NAV1: variants seen among roughly 807,000 people sequenced by gnomAD.
NAV1 encodes the protein neuron navigator 1.
NAV1 carries 18 observed loss-of-function variants against 175.2 expected under a neutral mutation model. The observed-to-expected ratio is 0.10, with a 90% CI of 0.07 to 0.15. NAV1 has a LOEUF of 0.15. Ranked by LOEUF, NAV1 falls within the 10% of genes least tolerant of loss-of-function variation. The pLI is 1.00. For missense variants in NAV1, 1,731 were observed against 2,436.6 expected (o/e 0.71, Z 6.10); for synonymous variants, 897 against 978.7 (o/e 0.92, Z 1.56).
At chr1:201,781,671 A>G (rs1417806741) in intron 5 of NAV1, among the ~76,000 whole-genome samples, 1 of 152,202 alleles carries the variant, frequency 6.6e-6, no homozygotes, top group African/African-American at 2.4e-5. Flanking sequence ...ACTTATTTTC[A>G]TAGGATACAG....
chr1:201,785,455 C>T, intron 8 of NAV1, 104 bp downstream of exon 12: 1 of 1,200,826 alleles, frequency 8.3e-7, no homozygotes, highest in Non-Finnish European at 1.2e-6. Flanking sequence ...ATTTAGTCAC[C>T]CTTTTAGCTG....
At chr1:201,547,935 G>A (rs866481810) in intron 1 of NAV1, among the ~76,000 whole-genome samples, 26 of 151,908 alleles carry the variant, frequency 1.7e-4, no homozygotes, top group African/African-American at 5.6e-4. Flanking sequence ...CTGGGATTAC[G>A]GGCACCTGCC....
At chr1:201,644,268 G>T (rs1440377148), upstream of NAV1, among the ~76,000 whole-genome samples, 1 of 152,138 alleles carries the variant, frequency 6.6e-6, no homozygotes, top group Non-Finnish European at 1.5e-5. Flanking sequence ...GAGTGGGAGG[G>T]GCTCAGGGCT....
intron 15 of NAV1, among the ~76,000 whole-genome samples, chr1:201,799,614 C>T (rs1242119274): frequency 1.3e-5 from 2 of 152,216 alleles, no homozygotes; most frequent in Non-Finnish European, 2.9e-5. Flanking sequence ...AATCCCAGCA[C>T]TTTGGGAGGC....
rs531384296 is a variant in NAV1 at position 201,610,091 on chromosome 1, C to T, written c.-32-12762C>T. On this transcript the variant is annotated intron_variant, in intron 2 of 33. Coordinates refer to the NAV1 transcript ENST00000685211. ...GGGAGGGCACCTTCTCTGCTCTACT[C>T]AGGGTGAAGGAAGCTGTGTGCCGGC... is the stretch of plus-strand genomic sequence containing the variant. 1.1e-4 allele frequency among the ~76,000 whole-genome samples: 17 copies of T among 152,306 alleles called. No individual in the cohort carries two copies. The East Asian group carries it at 3.3e-3, about 29-fold the overall frequency.
At chr1:201,656,857 C>T (rs1002563782) in intron 1 of NAV1, among the ~76,000 whole-genome samples, 4 of 152,206 alleles carry the variant, frequency 2.6e-5, no homozygotes, top group Non-Finnish European at 5.9e-5. Flanking sequence ...GGGGTTTGGA[C>T]TCCTTGGCTT....
Position 201,808,952 on chromosome 1 carries a change from G to T in NAV1, c.4207+81G>T. 1 of 1,522,292 alleles carries T rather than the reference G, an allele frequency of 6.6e-7. No individual in the cohort carries two copies. The highest frequency in any genetic ancestry group is 1.3e-5 in the South Asian group (1 of 79,414). 94.3% of individuals were successfully genotyped at this position (1,522,292 alleles called of 1,614,324 possible). On this transcript the variant is annotated intron_variant, in intron 20 of 29. Coordinates refer to ENST00000367296, the Ensembl canonical transcript of NAV1. The surrounding 1 kb of genome is among the most constrained non-coding windows in gnomAD (Gnocchi z 5.5). ...ACTGTTACACCATTCCACTTGCTTTGGTCAGGGCGGTAACAATGCCGAAGC... is the reference window on the plus strand; with the variant it reads ...ACTGTTACACCATTCCACTTGCTTTTGTCAGGGCGGTAACAATGCCGAAGC...
chr1:201,573,622 GC>G (rs1455046335), intron 1 of NAV1, among the ~76,000 whole-genome samples: 1 of 152,174 alleles, frequency 6.6e-6, no homozygotes, highest in African/African-American at 2.4e-5. Context: ...CTCCAGGCCT[GC>G]CTGCTGTACC....
chr1:201,690,813 G>A (rs535895069), intron 1 of NAV1, among the ~76,000 whole-genome samples: 1 of 152,300 alleles, frequency 6.6e-6, no homozygotes, highest in African/African-American at 2.4e-5. Context: ...AGAGTGCTGG[G>A]CTCCAGGTCA....
Position 201,809,336 on chromosome 1 carries a change from G to A in NAV1, c.4305+75G>A. On this transcript the variant is annotated intron_variant, in intron 21 of 29. Coordinates refer to ENST00000367296, the Ensembl canonical transcript of NAV1. Reference sequence around the variant, plus strand: ...ATTTATCCAAGAAAATCTGGACCCTGGGTACCTCCAAAACCAAAGAACTCA... The same window carrying A: ...ATTTATCCAAGAAAATCTGGACCCTAGGTACCTCCAAAACCAAAGAACTCA... 5.7e-6 allele frequency: 9 copies of A among 1,591,528 alleles called. No individual in the cohort carries two copies. In the South Asian group the frequency reaches 9.9e-5, roughly 18 times the overall value.
chr1:201,757,863 C>T (rs1222611832), intron 3 of NAV1, among the ~76,000 whole-genome samples: 1 of 152,194 alleles, frequency 6.6e-6, no homozygotes, highest in Non-Finnish European at 1.5e-5. Flanking sequence ...AGCCTAGTTG[C>T]GGTGGAATGA....
At chr1:201,564,578 G>C (rs1308080240) in intron 1 of NAV1, among the ~76,000 whole-genome samples, 1 of 152,218 alleles carries the variant, frequency 6.6e-6, no homozygotes, top group Non-Finnish European at 1.5e-5. Context: ...AGCCAAGATT[G>C]TGCCACTGTA....
intron 15 of NAV1, among the ~76,000 whole-genome samples, chr1:201,800,817 C>CTTTTTT (rs61404613): frequency 3.3e-4 from 30 of 90,794 alleles, no homozygotes; most frequent in Admixed American, 7.7e-4. Context: ...CTTGGTGTAT[C>CTTTTTT]TTTTTTTTTT....
chr1:201,760,043 A>G (rs1674743227), intron 3 of NAV1, among the ~76,000 whole-genome samples: 1 of 152,234 alleles, frequency 6.6e-6, no homozygotes, highest in Non-Finnish European at 1.5e-5. Flanking sequence ...TTTAGTTTTG[A>G]ACTTAAACGA....
At chr1:201,679,777 A>G (rs1222012432) in intron 1 of NAV1, among the ~76,000 whole-genome samples, 1 of 152,224 alleles carries the variant, frequency 6.6e-6, no homozygotes, top group African/African-American at 2.4e-5. Context: ...CTGCTCTCTC[A>G]GGGAGGCTTT....
intron 16 of NAV1, 94 bp from the exon 21 acceptor site, chr1:201,804,395 A>G: frequency 7.7e-7 from 1 of 1,299,150 alleles, no homozygotes; most frequent in African/African-American, 1.5e-5. Context: ...TGTATAATGC[A>G]GACAGGTACC....
At chr1:201,691,110 C>T (rs1670915226) in intron 1 of NAV1, among the ~76,000 whole-genome samples, 1 of 152,146 alleles carries the variant, frequency 6.6e-6, no homozygotes, top group Admixed American at 6.5e-5. Context: ...CATTTTGGGT[C>T]AGTTAATTCT....
intron 1 of NAV1, among the ~76,000 whole-genome samples, chr1:201,675,433 C>G (rs1275476457): frequency 6.6e-6 from 1 of 152,258 alleles, no homozygotes; most frequent in African/African-American, 2.4e-5. Context: ...CTCGTGTAAC[C>G]TCAGCTTCCT....
upstream of NAV1, among the ~76,000 whole-genome samples, chr1:201,620,677 C>T (rs1215071236): frequency 6.6e-6 from 1 of 151,986 alleles, no homozygotes; most frequent in Non-Finnish European, 1.5e-5. Context: ...CCATGTTGGT[C>T]AGGCTGGTCT....
Sources: allele counts gnomAD v4.1 joint callset (sites outside exome capture counted in the v4.1 genomes callset), GRCh38; gene constraint gnomAD v4.1.1; non-coding constraint Gnocchi (gnomAD v3.1); transcripts MANE v1.5; gene names NCBI Gene and HGNC (gene_info 2026-07-23, HGNC 2026-07-21).